DNAH14: variants seen among roughly 807,000 people sequenced by gnomAD.
DNAH14 encodes the protein axonemal beta dynein heavy chain 14.
In DNAH14, 478 loss-of-function variants were observed where a neutral mutation model predicts 520.9. That is an observed-to-expected ratio of 0.92 (90% CI 0.85 to 0.99). The LOEUF (loss-of-function observed/expected upper bound fraction) is 0.99. DNAH14 is among the 50% of genes least tolerant of loss of function. DNAH14 has a pLI of 0.00. For synonymous variants in DNAH14, 1,581 were observed against 1,757.2 expected (o/e 0.90, Z 2.51); for missense variants, 4,831 against 5,234.5 (o/e 0.92, Z 2.38).
rs1383038661 is a variant in DNAH14, at chr1:225,206,109, T to C, written c.6116T>C (p.Val2039Ala). 1 of 1,551,414 alleles carries C rather than the reference T, an allele frequency of 6.4e-7. No homozygotes were observed. The highest frequency in any genetic ancestry group is 2.4e-5 in the East Asian group (1 of 40,906). The stretch of plus-strand genomic sequence containing the variant: ...ATAGCTTTAACTAATAAAATAAGAG[T>C]GATTTTTGAAGTGGACAATCTCTCT... The part of the protein sequence containing the change: ...ERIALTNKIR[V>A]IFEVDNLSQA... Residue 2039 changes from valine to alanine, a missense_variant, in exon 40 of 86, where the codon GTG (valine) becomes GCG (alanine). By Grantham distance (64) the Val-to-Ala change is moderately conservative. Transcript: ENST00000682510.
chr1:225,316,408 A>G (rs2094468233), intron 60 of DNAH14, among the ~76,000 whole-genome samples: 1 of 151,666 alleles, frequency 6.6e-6, no homozygotes, highest in South Asian at 2.1e-4. Flanking sequence ...ATGAAAAAAA[A>G]CTCCTGCAGC....
chr1:225,331,813 A>G (rs2094804595), intron 65 of DNAH14, among the ~76,000 whole-genome samples: 1 of 152,228 alleles, frequency 6.6e-6, no homozygotes, highest in Admixed American at 6.5e-5. Context: ...TGAAGACATC[A>G]GCACGCTTTT....
intron 27 of DNAH14, among the ~76,000 whole-genome samples, chr1:225,137,128 C>T (rs1182232831): frequency 1.3e-5 from 2 of 152,168 alleles, no homozygotes; most frequent in African/African-American, 2.4e-5. Flanking sequence ...AGTTATTACC[C>T]ACCTTCTGAA....
chr1:225,298,620 G>A (rs1305457013), intron 55 of DNAH14, among the ~76,000 whole-genome samples: 1 of 152,154 alleles, frequency 6.6e-6, no homozygotes, highest in African/African-American at 2.4e-5. Context: ...CTGGAGAGGT[G>A]CATGGCTACT....
intron 48 of DNAH14, 34 bp from the exon 49 acceptor site, chr1:225,266,607 A>G (rs1248243807): frequency 5.7e-6 from 8 of 1,394,972 alleles, no homozygotes; most frequent in Middle Eastern, 1.9e-4. Context: ...AGGTGTACTA[A>G]TATATATGTT....
chr1:225,385,075 T>C (rs896712855), intron 81 of DNAH14, among the ~76,000 whole-genome samples: 2 of 152,148 alleles, frequency 1.3e-5, no homozygotes, highest in Non-Finnish European at 2.9e-5. Flanking sequence ...TGGTTCAACA[T>C]ACACAAATCA....
At chr1:225,322,605 T>G in intron 61 of DNAH14, 59 bp from the exon 62 acceptor site, 3 of 1,405,604 alleles carry the variant, frequency 2.1e-6, no homozygotes, top group Non-Finnish European at 2.8e-6. Context: ...CTGAGATATT[T>G]ACAGGGTGCA....
At chr1:225,209,519 A>G (rs527491482) in intron 41 of DNAH14, among the ~76,000 whole-genome samples, 48 of 152,224 alleles carry the variant, frequency 3.2e-4, no homozygotes, top group Admixed American at 3.0e-3. Flanking sequence ...CAGCAAAGAA[A>G]CAATTTATTG....
At chr1:225,117,286 A>C (rs2076936579) in intron 23 of DNAH14, among the ~76,000 whole-genome samples, 1 of 151,926 alleles carries the variant, frequency 6.6e-6, no homozygotes, top group Non-Finnish European at 1.5e-5. Context: ...TAGGGAAATA[A>C]GAGCAGAAAG....
intron 1 of DNAH14, among the ~76,000 whole-genome samples, chr1:224,945,838 C>G (rs201108992): frequency 6.6e-6 from 1 of 152,288 alleles, no homozygotes; most frequent in Non-Finnish European, 1.5e-5. Context: ...GCTGCCTGAT[C>G]GTTCCTCTGG....
At chr1:224,942,343 T>C (rs1179874714) in intron 1 of DNAH14, among the ~76,000 whole-genome samples, 8 of 152,218 alleles carry the variant, frequency 5.3e-5, no homozygotes, top group South Asian at 2.1e-4. Flanking sequence ...GTGATTTTTG[T>C]GCATTGATTT....
At chr1:224,977,124 G>A (rs943766239) in intron 8 of DNAH14, among the ~76,000 whole-genome samples, 1 of 151,974 alleles carries the variant, frequency 6.6e-6, no homozygotes, top group Non-Finnish European at 1.5e-5. Context: ...TTAAGAAAAT[G>A]TGGCACATAT....
Position 225,271,889 on chromosome 1 carries a change from A to G in DNAH14, c.7672-17A>G. 1 of 1,535,128 alleles carries G rather than the reference A, an allele frequency of 6.5e-7. No individual in the cohort carries two copies. The highest frequency in any genetic ancestry group is 8.8e-7 in the Non-Finnish European group (1 of 1,142,072). On this transcript the variant is annotated splice_polypyrimidine_tract_variant and intron_variant, in intron 50 of 85. Transcript: ENST00000682510. ...TCAAATTTTTGGCAAGCTAAATTAT[A>G]ACATTTCTTTTTAAAGGCTCATTTG...
intron 38 of DNAH14, among the ~76,000 whole-genome samples, chr1:225,195,928 GTAATC>G (rs2086072806): frequency 6.6e-6 from 1 of 151,950 alleles, no homozygotes; most frequent in African/African-American, 2.4e-5. Flanking sequence ...CTTTTGTAAA[GTAATC>G]TAATGGAATT....
intron 21 of DNAH14, among the ~76,000 whole-genome samples, chr1:225,093,226 A>G (rs371960904): frequency 6.6e-6 from 1 of 152,062 alleles, no homozygotes; most frequent in East Asian, 1.9e-4. Context: ...CTTGACAAAC[A>G]TGCACATAAA....
At chr1:225,091,058 G>A (rs1326975482) in intron 21 of DNAH14, among the ~76,000 whole-genome samples, 1 of 151,090 alleles carries the variant, frequency 6.6e-6, no homozygotes, top group Non-Finnish European at 1.5e-5. Context: ...TAAAGAGATG[G>A]GCAAAATATT....
chr1:225,224,360 T>C (rs543917913), intron 41 of DNAH14, among the ~76,000 whole-genome samples: 1 of 151,776 alleles, frequency 6.6e-6, no homozygotes, highest in Non-Finnish European at 1.5e-5. Flanking sequence ...CCAGGATTAG[T>C]AGGACAGATA....
At chr1:225,319,433 A>T (rs2094521717) in intron 61 of DNAH14, among the ~76,000 whole-genome samples, 1 of 152,188 alleles carries the variant, frequency 6.6e-6, no homozygotes, top group African/African-American at 2.4e-5. Context: ...TTTGTAGAAA[A>T]TAGTATTTTA....
chr1:225,101,656 C>A (rs996539383), intron 23 of DNAH14, among the ~76,000 whole-genome samples: 1 of 152,132 alleles, frequency 6.6e-6, no homozygotes, highest in African/African-American at 2.4e-5. Flanking sequence ...TAATGACCTG[C>A]AGTTCTATCC....
Sources: gnomAD v4.1 joint callset for allele counts (sites outside exome capture counted in the v4.1 genomes callset) on GRCh38, gnomAD v4.1.1 for gene constraint, MANE v1.5 for transcripts, NCBI Gene and HGNC (gene_info 2026-07-23, HGNC 2026-07-21) for gene names.